Variants in FKBP14 observed in about 807,000 individuals in gnomAD.
FKBP14 encodes the protein peptidyl-prolyl cis-trans isomerase FKBP14.
Under a neutral mutation model 21.6 loss-of-function variants are expected in FKBP14, and 20 were observed. That is an observed-to-expected ratio of 0.92 (90% CI 0.65 to 1.34). The LOEUF (loss-of-function observed/expected upper bound fraction) is 1.34, where lower values mean the gene tolerates loss of function less well. FKBP14 is among the 40% of genes most tolerant of loss of function. The probability of loss-of-function intolerance (pLI) is 0.00; values close to 1 mark genes in which losing one functional copy is unlikely to be tolerated. For missense variants in FKBP14, 253 were observed against 249.0 expected (o/e 1.02, Z -0.11); for synonymous variants, 79 against 86.7 (o/e 0.91, Z 0.49).
In FKBP14 at chr7:30,026,500, A is replaced by G; in HGVS notation, c.9T>C (p.Leu3=). ...GAGTCAAGACCGCGTTCCACAAGAA[A>G]AGCCTCATGTTGCTGAAGCAAGGAA... MR[L]FLWNAVLTLF... Residue 3 remains leucine (L), a synonymous_variant, in exon 1 of 4, where the codon CTT becomes CTC. Coordinates refer to ENST00000222803, the MANE Select transcript of FKBP14 (RefSeq NM_017946.4). 1 of 1,610,424 alleles carries G rather than the reference A, an allele frequency of 6.2e-7. No individual in the cohort carries two copies. Among genetic ancestry groups the G allele is most frequent in the Non-Finnish European group, 8.5e-7 (1 of 1,178,400 alleles).
At chr7:30,020,002 G>GAAACAAAC (rs377064781) in intron 2 of FKBP14, among the ~76,000 whole-genome samples, 1 of 151,986 alleles carries the variant, frequency 6.6e-6, no homozygotes, top group African/African-American at 2.4e-5. Context: ...CCAGGAACCT[G>GAAACAAAC]AAACAAACAA....
rs554643134 is a variant in FKBP14 at position 30,011,346 on chromosome 7, A to G, written c.*3389T>C. 3.3e-5 allele frequency: 5 copies of G among 151,780 alleles called. No homozygotes were observed. Among genetic ancestry groups the G allele is most frequent in the African/African-American group, 1.2e-4 (5 of 41,388 alleles). 9.4% of individuals were successfully genotyped at this position (151,780 alleles called of 1,614,324 possible). A position where few individuals can be genotyped will look rare whatever the true frequency, so the allele number is the denominator to read the frequency against. On this transcript the variant is annotated 3_prime_UTR_variant, in exon 4 of 4. Coordinates refer to ENST00000222803, the MANE Select transcript of FKBP14 (RefSeq NM_017946.4). Reference sequence around the variant, plus strand: ...ATAAGGCACCATGCCCAACCAGAAGAAAAACATTTTTTATAAATTTTAGTG... The same window carrying G: ...ATAAGGCACCATGCCCAACCAGAAGGAAAACATTTTTTATAAATTTTAGTG...
At chr7:30,016,116 A>G (rs986964349) in intron 3 of FKBP14, among the ~76,000 whole-genome samples, 1 of 152,062 alleles carries the variant, frequency 6.6e-6, no homozygotes, top group Non-Finnish European at 1.5e-5. Context: ...CATGTTGCCC[A>G]GGCTGGTCTT....
chr7:30,019,217 GAATTA>G, intron 2 of FKBP14, 94 bp from the exon 3 acceptor site: 1 of 1,208,696 alleles, frequency 8.3e-7, no homozygotes, highest in South Asian at 1.5e-5. Context: ...TTTTTTAACT[GAATTA>G]AAGAGCCTTC....
At chr7:30,016,939 C>G (rs1469519944) in intron 3 of FKBP14, among the ~76,000 whole-genome samples, 1 of 151,806 alleles carries the variant, frequency 6.6e-6, no homozygotes, top group African/African-American at 2.4e-5. Context: ...GGGGAGAGAT[C>G]CATTAATCCA....
At chr7:30,008,131 A>G (rs1290935193), downstream of FKBP14, 2 of 152,214 alleles carry the variant, frequency 1.3e-5, no homozygotes, top group African/African-American at 4.8e-5. Context: ...TGCACTTTTA[A>G]TACACCCCAT....
chr7:30,014,992 T>C (rs769090573), intron 3 of FKBP14, 99 bp from the exon 4 acceptor site: 80 of 677,018 alleles, frequency 1.2e-4, no homozygotes, highest in Middle Eastern at 5.5e-4. Flanking sequence ...ATTTAGTTCA[T>C]TAACTAAATA....
At chr7:30,022,568 A>AG (rs1442238357) in intron 2 of FKBP14, 97 bp downstream of exon 2, 13 of 1,318,060 alleles carry the variant, frequency 9.9e-6, no homozygotes, top group Non-Finnish European at 1.3e-5. Context: ...ATTAACTTCC[A>AG]GGGGAAAAAA....
rs1789705139 is a variant in FKBP14 at position 30,010,889 on chromosome 7, A to G, written c.*3846T>C. On this transcript the variant is annotated 3_prime_UTR_variant, in exon 4 of 4. Transcript: ENST00000222803. ...ATAGATAAAAGCTTATATAATAAGG[A>G]TATAAGGAAAATATTTTTGTACAGC... is the stretch of plus-strand genomic sequence containing the variant. The G allele has an allele frequency of 6.6e-6, 1 of 152,204 alleles. No individual in the cohort carries two copies. Among genetic ancestry groups the G allele is most frequent in the Admixed American group, 6.5e-5 (1 of 15,276 alleles). The allele number at this position is 152,204 out of a possible 1,614,324, so 9.4% of individuals were successfully genotyped here.
rs947987757 is a variant in FKBP14 at position 30,011,579 on chromosome 7, A to G, written c.*3156T>C. 6 of 137,440 alleles carry G rather than the reference A, an allele frequency of 4.4e-5. No individual in the cohort carries two copies. Among genetic ancestry groups the G allele is most frequent in the African/African-American group, 5.4e-5 (2 of 37,244 alleles). The allele number at this position is 137,440 out of a possible 1,614,324, so 8.5% of individuals were successfully genotyped here. ...TATATATATACCATATATATGGTAT[A>G]TATATATATATAGTATATATATATA... On this transcript the variant is annotated 3_prime_UTR_variant, in exon 4 of 4. Transcript: ENST00000222803.
chr7:30,019,268 T>C, intron 2 of FKBP14, 145 bp from the exon 3 acceptor site: 2 of 723,958 alleles, frequency 2.8e-6, no homozygotes, highest in Non-Finnish European at 4.2e-6. Flanking sequence ...TTATGTATAT[T>C]ATATTTTACT....
downstream of FKBP14, among the ~76,000 whole-genome samples, chr7:30,009,150 T>C (rs1330683351): frequency 6.6e-6 from 1 of 152,140 alleles, no homozygotes; most frequent in Non-Finnish European, 1.5e-5. Flanking sequence ...GAAAAGAAGT[T>C]CTTTTTTATT....
At position 30,018,985 on chromosome 7, in the gene FKBP14, G is replaced by T; in HGVS notation, c.477+11C>A. 6.2e-7 allele frequency: 1 copy of T among 1,605,616 alleles called. No homozygotes were observed. Among genetic ancestry groups the T allele is most frequent in the African/African-American group, 1.3e-5 (1 of 74,520 alleles). ...AAAGTAGAAAGAGGAGTAGGAAGAA[G>T]GAAAGGTCACCTCATCTTTAGAGAG... On this transcript the variant is annotated intron_variant, in intron 3 of 3. Transcript: ENST00000222803.
Position 30,011,054 on chromosome 7 carries a change from T to C in FKBP14, c.*3681A>G, listed in dbSNP as rs993615166. On this transcript the variant is annotated 3_prime_UTR_variant, in exon 4 of 4. Coordinates refer to ENST00000222803, the MANE Select transcript of FKBP14 (RefSeq NM_017946.4). ...TATAAAAATTATAGAATTTTTTTTTTTGAGACAGAGTCTTGCTCCTCTGTC... is the reference window on the plus strand; with the variant it reads ...TATAAAAATTATAGAATTTTTTTTTCTGAGACAGAGTCTTGCTCCTCTGTC... The C allele has an allele frequency of 6.6e-6, 1 of 152,072 alleles. No individual in the cohort carries two copies. The highest frequency in any genetic ancestry group is 1.5e-5 in the Non-Finnish European group (1 of 68,014). 9.4% of individuals were successfully genotyped at this position (152,072 alleles called of 1,614,324 possible). A position where few individuals can be genotyped will look rare whatever the true frequency, so the allele number is the denominator to read the frequency against.
intron 2 of FKBP14, among the ~76,000 whole-genome samples, chr7:30,022,033 AT>A (rs1790044219): frequency 6.6e-6 from 1 of 152,082 alleles, no homozygotes; most frequent in Non-Finnish European, 1.5e-5. Flanking sequence ...TCACTCTATG[AT>A]TTTTTTTAAA....
At chr7:30,015,168 C>T (rs1211917942) in intron 3 of FKBP14, among the ~76,000 whole-genome samples, 2 of 152,054 alleles carry the variant, frequency 1.3e-5, no homozygotes, top group African/African-American at 4.8e-5. Context: ...TATCCCAGCA[C>T]TTTGGGAGGC....
rs1789850049 is a variant in FKBP14 at position 30,015,239 on chromosome 7, G to A, written c.478-346C>T. Reference sequence around the variant, plus strand: ...GATCAGCCTGGCCGACATAATGAAAGCCCATCTCCACTAAAAATACAAAAA... The same window carrying A: ...GATCAGCCTGGCCGACATAATGAAAACCCATCTCCACTAAAAATACAAAAA... On this transcript the variant is annotated intron_variant, in intron 3 of 3. Transcript: ENST00000222803. Among the ~76,000 whole-genome samples, 5 of 151,774 alleles carry A rather than the reference G, an allele frequency of 3.3e-5. No individual in the cohort carries two copies. In the South Asian group the frequency reaches 1.0e-3, roughly 32 times the overall value.
intron 2 of FKBP14, chr7:30,020,249 G>A (rs1789996969): frequency 1.6e-6 from 2 of 1,273,334 alleles, no homozygotes; most frequent in African/African-American, 1.6e-5. Flanking sequence ...CATGCGCTAG[G>A]TTGTTGATAA....
In FKBP14 at chr7:30,011,442, C is replaced by T. The variant is rs1417862553; in HGVS notation, c.*3293G>A. The T allele has an allele frequency of 6.6e-6, 1 of 150,738 alleles. No individual in the cohort carries two copies. The highest frequency in any genetic ancestry group is 1.5e-5 in the Non-Finnish European group (1 of 67,840). The allele number at this position is 150,738 out of a possible 1,614,324, so 9.3% of individuals were successfully genotyped here. A position where few individuals can be genotyped will look rare whatever the true frequency, so the allele number is the denominator to read the frequency against. On this transcript the variant is annotated 3_prime_UTR_variant, in exon 4 of 4. Coordinates refer to ENST00000222803, the MANE Select transcript of FKBP14 (RefSeq NM_017946.4). ...AATGTCCTAGGCCTTTACATTCACTCACCACTGACTCATCCAGAGCAACTT... is the reference window on the plus strand; with the variant it reads ...AATGTCCTAGGCCTTTACATTCACTTACCACTGACTCATCCAGAGCAACTT...
Sources: allele counts gnomAD v4.1 joint callset (sites outside exome capture counted in the v4.1 genomes callset), GRCh38; gene constraint gnomAD v4.1.1; transcripts MANE v1.5; gene names NCBI Gene and HGNC (gene_info 2026-07-23, HGNC 2026-07-21).